The following PLCH1 variants were observed in gnomAD, a reference collection of about 807,000 sequenced individuals.
PLCH1 encodes the protein 1-phosphatidylinositol 4,5-bisphosphate phosphodiesterase eta-1.
A neutral mutation model predicts 126.7 loss-of-function variants in PLCH1; 60 were observed. The observed-to-expected ratio is 0.47, with a 90% CI of 0.38 to 0.59. The LOEUF (loss-of-function observed/expected upper bound fraction) is 0.59, where lower values mean the gene tolerates loss of function less well. PLCH1 is among the 20% of genes least tolerant of loss of function. The pLI is 0.00. For missense variants in PLCH1, 1,723 were observed against 2,040.0 expected (o/e 0.84, Z 2.99); for synonymous variants, 719 against 734.9 (o/e 0.98, Z 0.35).
intron 1 of PLCH1, among the ~76,000 whole-genome samples, chr3:155,706,241 A>T (rs1477406878): frequency 1.3e-5 from 2 of 150,896 alleles, no homozygotes; most frequent in Non-Finnish European, 2.9e-5. Context: ...TAATCCCAGC[A>T]CTTTGGGAGG....
intron 1 of PLCH1, among the ~76,000 whole-genome samples, chr3:155,710,541 C>T (rs1747026311): frequency 6.6e-6 from 1 of 152,090 alleles, no homozygotes; most frequent in South Asian, 2.1e-4. Context: ...GTTATTAAAA[C>T]TAGTTCTATG....
At chr3:155,617,572 C>T (rs994984797) in intron 2 of PLCH1, among the ~76,000 whole-genome samples, 2 of 152,124 alleles carry the variant, frequency 1.3e-5, no homozygotes, top group African/African-American at 4.8e-5. Context: ...TTTCTCTCTA[C>T]CTGGTTTCTC....
chr3:155,586,338 A>G (rs1038732710), intron 4 of PLCH1, 144 bp from the exon 5 acceptor site: 3 of 700,014 alleles, frequency 4.3e-6, no homozygotes, highest in Non-Finnish European at 7.3e-6. Flanking sequence ...ATAGGCTCTG[A>G]TGAGCTACTA....
At chr3:155,667,640 T>A (rs904150574) in intron 2 of PLCH1, among the ~76,000 whole-genome samples, 1 of 152,180 alleles carries the variant, frequency 6.6e-6, no homozygotes, top group Non-Finnish European at 1.5e-5. Context: ...AGAAATATTA[T>A]GTCCAGCCCC....
intron 2 of PLCH1, among the ~76,000 whole-genome samples, chr3:155,668,770 G>T (rs2108973092): frequency 6.6e-6 from 1 of 152,236 alleles, no homozygotes; most frequent in South Asian, 2.1e-4. Flanking sequence ...GCACACGCCT[G>T]TAATCCTGCT....
intron 6 of PLCH1, among the ~76,000 whole-genome samples, chr3:155,575,764 C>T (rs1453095430): frequency 1.3e-5 from 2 of 152,106 alleles, no homozygotes; most frequent in African/African-American, 4.8e-5. Context: ...TCAAGCAGTC[C>T]TCCCACCTCC....
chr3:155,550,554 C>G (rs1402513363), intron 9 of PLCH1, among the ~76,000 whole-genome samples: 1 of 152,162 alleles, frequency 6.6e-6, no homozygotes. Flanking sequence ...AGCATTCATT[C>G]TACACCAGCA....
chr3:155,655,971 A>C (rs1275975082), intron 2 of PLCH1, among the ~76,000 whole-genome samples: 1 of 152,160 alleles, frequency 6.6e-6, no homozygotes, highest in Non-Finnish European at 1.5e-5. Flanking sequence ...AAGCACAAAT[A>C]AATAAGAAAC....
At chr3:155,741,530 C>T (rs929988421) in intron 1 of PLCH1, among the ~76,000 whole-genome samples, 12 of 152,108 alleles carry the variant, frequency 7.9e-5, no homozygotes, top group Admixed American at 3.3e-4. Context: ...TTTGTCAACC[C>T]TGGTCAACAT....
rs1229865808 is a variant in PLCH1, at chr3:155,739,126, AG to A, written c.-41+5713del. ...AGTTGCAACTTCCCAGTACCACAGC[AG>A]TTTTAGGAGCACCAAAACTCCAGCT... On this transcript the variant is annotated intron_variant, in intron 1 of 22. Coordinates refer to ENST00000460012, the MANE Select transcript of PLCH1 (RefSeq NM_014996.4). Among the ~76,000 whole-genome samples, 3 of 152,320 alleles carry A rather than the reference AG, an allele frequency of 2.0e-5. No homozygotes were observed. The East Asian group carries it at 5.8e-4, about 29-fold the overall frequency.
chr3:155,596,351 G>A lies in PLCH1; in HGVS notation c.107C>T (p.Ser36Phe), dbSNP rs775202347. ...TTTCAGCTTGATCATCTGTGTCCCG[G>A]ACTGCATCACACTCATGCATCTTTC... is the stretch of plus-strand genomic sequence containing the variant. ...HVERCMSVMQSGTQMIKLKRG... is the reference protein window; with the variant it reads ...HVERCMSVMQFGTQMIKLKRG... Residue 36 changes from serine (S) to phenylalanine (F), a missense_variant, in exon 3 of 23, where the codon TCC becomes TTC. Physicochemically the swap from Ser to Phe is radical, Grantham distance 155. Coordinates refer to ENST00000460012, the MANE Select transcript of PLCH1 (RefSeq NM_014996.4). The A allele has an allele frequency of 1.2e-6, 2 of 1,613,200 alleles. No homozygotes were observed. The highest frequency in any genetic ancestry group is 2.2e-5 in the East Asian group (1 of 44,856).
intron 1 of PLCH1, among the ~76,000 whole-genome samples, chr3:155,706,420 G>C (rs1007184337): frequency 6.6e-5 from 10 of 151,702 alleles, no homozygotes; most frequent in African/African-American, 2.4e-4. Context: ...AGGAGTTCCA[G>C]ACCAGCCTGA....
chr3:155,548,718 G>A (rs1725715256), intron 10 of PLCH1, among the ~76,000 whole-genome samples: 1 of 152,138 alleles, frequency 6.6e-6, no homozygotes, highest in Non-Finnish European at 1.5e-5. Flanking sequence ...GGGCAAATTG[G>A]CCTTCATGTT....
chr3:155,573,435 G>T (rs995586837), intron 6 of PLCH1, among the ~76,000 whole-genome samples: 7 of 152,212 alleles, frequency 4.6e-5, no homozygotes, highest in Non-Finnish European at 1.0e-4. Context: ...ACTGGGTTCA[G>T]TTGGATGGTT....
intron 21 of PLCH1, among the ~76,000 whole-genome samples, chr3:155,469,295 G>A (rs940155375): frequency 4.6e-5 from 7 of 152,164 alleles, no homozygotes; most frequent in South Asian, 2.1e-4. Context: ...TGCCCTTTCC[G>A]AGTCAAAGAA....
At chr3:155,505,069 A>C (rs1718452306) in intron 12 of PLCH1, among the ~76,000 whole-genome samples, 1 of 152,254 alleles carries the variant, frequency 6.6e-6, no homozygotes. Context: ...TATTGAATAA[A>C]GAAAGTGGAT....
intron 2 of PLCH1, among the ~76,000 whole-genome samples, chr3:155,688,815 G>A (rs1017857588): frequency 6.6e-6 from 1 of 152,228 alleles, no homozygotes; most frequent in Admixed American, 6.5e-5. Context: ...CTCTGCCTGT[G>A]GAAAGGGGAG....
downstream of PLCH1, among the ~76,000 whole-genome samples, chr3:155,478,408 G>A (rs946366954): frequency 1.7e-4 from 26 of 152,040 alleles, no homozygotes; most frequent in East Asian, 9.6e-4. Context: ...TGGATTGTTC[G>A]TAAGTCAATG....
intron 8 of PLCH1, among the ~76,000 whole-genome samples, chr3:155,556,662 T>C (rs1577003493): frequency 6.6e-6 from 1 of 152,338 alleles, no homozygotes; most frequent in East Asian, 1.9e-4. Context: ...TAAAGCCGAT[T>C]ATGCTCCACA....
Sources: allele counts gnomAD v4.1 joint callset (sites outside exome capture counted in the v4.1 genomes callset), GRCh38; gene constraint gnomAD v4.1.1; transcripts MANE v1.5; gene names NCBI Gene and HGNC (gene_info 2026-07-23, HGNC 2026-07-21).